Variants in EPHA5 observed in about 807,000 individuals in gnomAD.
EPHA5 encodes EPH receptor A5, also known as ephrin type-A receptor 5.
Under a neutral mutation model 105.0 loss-of-function variants are expected in EPHA5, and 60 were observed. The observed-to-expected ratio is 0.57, with a 90% CI of 0.46 to 0.71. The LOEUF is 0.71. Ranked by LOEUF, EPHA5 falls within the 30% of genes least tolerant of loss-of-function variation. The pLI is 0.00. For missense variants in EPHA5, 1,218 were observed against 1,274.7 expected (o/e 0.96, Z 0.68); for synonymous variants, 513 against 449.1 (o/e 1.14, Z -1.80).
At chr4:65,407,903 G>T (rs1045331054) in intron 7 of EPHA5, among the ~76,000 whole-genome samples, 1 of 151,246 alleles carries the variant, frequency 6.6e-6, no homozygotes, top group Non-Finnish European at 1.5e-5. Context: ...CTACAGGCCT[G>T]CACCACCACC....
At chr4:65,507,863 T>C (rs1349754207) in intron 3 of EPHA5, among the ~76,000 whole-genome samples, 1 of 152,056 alleles carries the variant, frequency 6.6e-6, no homozygotes, top group African/African-American at 2.4e-5. Flanking sequence ...GACAAAAATA[T>C]TAGTATTTGC....
intron 14 of EPHA5, among the ~76,000 whole-genome samples, chr4:65,346,607 A>G (rs2148837250): frequency 6.6e-6 from 1 of 152,266 alleles, no homozygotes. Context: ...AGCAATGGCA[A>G]CAAAAGGCAA....
intron 5 of EPHA5, among the ~76,000 whole-genome samples, chr4:65,484,131 G>A (rs1730648890): frequency 6.6e-6 from 1 of 152,040 alleles, no homozygotes; most frequent in African/African-American, 2.4e-5. Flanking sequence ...AGTCTAAAAG[G>A]TGACCTTTTT....
intron 9 of EPHA5, among the ~76,000 whole-genome samples, chr4:65,367,127 A>G (rs925194998): frequency 1.3e-5 from 2 of 151,872 alleles, no homozygotes; most frequent in African/African-American, 2.4e-5. Context: ...TTTGATTATA[A>G]CAAAAGTATT....
At chr4:65,448,948 C>T (rs1027900988) in intron 5 of EPHA5, among the ~76,000 whole-genome samples, 1 of 151,896 alleles carries the variant, frequency 6.6e-6, no homozygotes. Flanking sequence ...AATATATGAC[C>T]ATATCTTTAT....
At chr4:65,572,064 A>G (rs1033539936) in intron 3 of EPHA5, among the ~76,000 whole-genome samples, 1 of 152,050 alleles carries the variant, frequency 6.6e-6, no homozygotes, top group Non-Finnish European at 1.5e-5. Flanking sequence ...ATTAATATGA[A>G]GGGGTTAAGA....
At chr4:65,459,592 C>A (rs1263034577) in intron 5 of EPHA5, among the ~76,000 whole-genome samples, 1 of 151,722 alleles carries the variant, frequency 6.6e-6, no homozygotes, top group Non-Finnish European at 1.5e-5. Flanking sequence ...TGATTACTGT[C>A]AATTTTTCTT....
chr4:65,385,308 T>G (rs1719975491), intron 8 of EPHA5, among the ~76,000 whole-genome samples: 1 of 151,926 alleles, frequency 6.6e-6, no homozygotes, highest in South Asian at 2.1e-4. Flanking sequence ...TTTCTAAAAT[T>G]GAATCACATC....
intron 3 of EPHA5, among the ~76,000 whole-genome samples, chr4:65,515,299 A>C (rs141167370): frequency 2.6e-5 from 4 of 152,306 alleles, no homozygotes; most frequent in African/African-American, 7.2e-5. Flanking sequence ...TTTTTAAAAA[A>C]AACAACAACA....
chr4:65,367,238 A>G, intron 9 of EPHA5, 119 bp downstream of exon 9: 3 of 719,070 alleles, frequency 4.2e-6, no homozygotes, highest in Non-Finnish European at 6.0e-6. Context: ...AACACTTTTA[A>G]AAAAAAAAAA....
At chr4:65,633,886 GAAT>G (rs1361016557) in intron 2 of EPHA5, among the ~76,000 whole-genome samples, 1 of 152,008 alleles carries the variant, frequency 6.6e-6, no homozygotes, top group Non-Finnish European at 1.5e-5. Context: ...GAAAAAATCA[GAAT>G]AATAAACAAT....
intron 3 of EPHA5, among the ~76,000 whole-genome samples, chr4:65,592,485 C>T (rs1268171625): frequency 6.6e-6 from 1 of 151,554 alleles, no homozygotes; most frequent in Non-Finnish European, 1.5e-5. Context: ...CTGGCTACAT[C>T]CTCAAGAGGA....
intron 3 of EPHA5, among the ~76,000 whole-genome samples, chr4:65,497,710 C>T (rs951570685): frequency 1.3e-5 from 2 of 151,956 alleles, no homozygotes; most frequent in South Asian, 2.1e-4. Context: ...TAATGAATGC[C>T]TCTTAACTTA....
chr4:65,402,486 C>G (rs1454742632), intron 8 of EPHA5, among the ~76,000 whole-genome samples: 1 of 152,130 alleles, frequency 6.6e-6, no homozygotes, highest in Admixed American at 6.6e-5. Flanking sequence ...AGTAAATTCA[C>G]TGTGCTAAGT....
chr4:65,656,803 A>G (rs1381141052), intron 1 of EPHA5, among the ~76,000 whole-genome samples: 3 of 151,014 alleles, frequency 2.0e-5, no homozygotes, highest in Non-Finnish European at 4.4e-5. Context: ...TTGTGTGGTA[A>G]TAGTCTCCAT....
chr4:65,571,846 A>G (rs1041155130), intron 3 of EPHA5, among the ~76,000 whole-genome samples: 7 of 152,062 alleles, frequency 4.6e-5, no homozygotes, highest in Non-Finnish European at 1.0e-4. Context: ...CCAAAGTCCA[A>G]TTACATTTCC....
Position 65,336,034 on chromosome 4 carries a change from T to A in EPHA5, c.2687A>T (p.Lys896Ile), listed in dbSNP as rs367883786. ...LYQLMLDCWQ[K>I]ERNSRPKFDE... ...AAACTTGGGCCTGCTATTTCGCTCTTTCTGCCAGCAATCCAGCATTAACTG... is the reference window on the plus strand; with the variant it reads ...AAACTTGGGCCTGCTATTTCGCTCTATCTGCCAGCAATCCAGCATTAACTG... Residue 896 changes from lysine to isoleucine, a missense_variant, in exon 15 of 17, where the codon AAA (lysine) becomes ATA (isoleucine). By Grantham distance (102) the Lys-to-Ile change is moderately radical. Around this residue, in one of 3 missense-constraint regions of EPHA5, gnomAD observed 971 missense variants for 1,013.5 expected, o/e 0.96. Coordinates refer to ENST00000613740, the MANE Select transcript of EPHA5 (RefSeq NM_001281766.3). 4 of 1,613,294 alleles carry A rather than the reference T, an allele frequency of 2.5e-6. No homozygotes were observed. In the African/African-American group the frequency reaches 5.3e-5, roughly 22 times the overall value.
At chr4:65,482,958 C>G (rs1392281288) in intron 5 of EPHA5, among the ~76,000 whole-genome samples, 4 of 151,746 alleles carry the variant, frequency 2.6e-5, no homozygotes, top group Non-Finnish European at 5.9e-5. Flanking sequence ...TGTGCTGCAC[C>G]CATTGACTCG....
Position 65,351,372 on chromosome 4 carries a change from A to C in EPHA5, c.2445+17T>G, listed in dbSNP as rs202005571. ...GCTCTGGTCTAGTGTTTAGAAATGCACTCTGTTAGATCTTACCCTTGTGGT... is the reference window on the plus strand; with the variant it reads ...GCTCTGGTCTAGTGTTTAGAAATGCCCTCTGTTAGATCTTACCCTTGTGGT... On this transcript the variant is annotated intron_variant, in intron 13 of 16. Coordinates refer to ENST00000613740, the MANE Select transcript of EPHA5 (RefSeq NM_001281766.3). 1.6e-5 allele frequency: 25 copies of C among 1,609,930 alleles called. No individual in the cohort carries two copies. Among genetic ancestry groups the C allele is most frequent in the Non-Finnish European group, 2.0e-5 (23 of 1,177,076 alleles).
Sources: allele counts gnomAD v4.1 joint callset (sites outside exome capture counted in the v4.1 genomes callset), GRCh38; gene constraint gnomAD v4.1.1; regional missense constraint gnomAD v4.1.1; transcripts MANE v1.5; gene names NCBI Gene and HGNC (gene_info 2026-07-23, HGNC 2026-07-21).